Variants in ERBB4 observed in about 807,000 individuals in gnomAD.
ERBB4 encodes the protein erb-b2 receptor tyrosine kinase 4, also known as receptor tyrosine-protein kinase erbB-4.
In ERBB4, 42 loss-of-function variants were observed where a neutral mutation model predicts 158.0. That is an observed-to-expected ratio of 0.27 (90% CI 0.21 to 0.34). The LOEUF is 0.34. Ranked by LOEUF, ERBB4 falls within the 10% of genes least tolerant of loss-of-function variation. The pLI is 1.00. For missense variants in ERBB4, 1,333 were observed against 1,624.1 expected, an observed-to-expected ratio of 0.82 and a Z score of 3.08; for synonymous variants, 583 against 558.7, an observed-to-expected ratio of 1.04 and a Z score of -0.61.
In ERBB4 at chr2:211,831,713, C is replaced by T. The variant is rs191546205; in HGVS notation, c.422-43554G>A. Among the ~76,000 whole-genome samples the T allele has an allele frequency of 3.3e-5, 5 of 152,048 alleles. No homozygotes were observed. In the East Asian group the frequency reaches 7.7e-4, roughly 24 times the overall value. ...GGTCAGGAGTTCAAGACCAGCCTGG[C>T]CAACATGGTGAAACCCCATATCTAC... On this transcript the variant is annotated intron_variant, in intron 3 of 27. Transcript: ENST00000342788.
chr2:212,126,931 T>C (rs1291532529), intron 1 of ERBB4, among the ~76,000 whole-genome samples: 3 of 151,778 alleles, frequency 2.0e-5, no homozygotes, highest in Non-Finnish European at 2.9e-5. Context: ...TCCAAAAATC[T>C]TGAAAAATAG....
chr2:212,452,744 T>A (rs1688064477), intron 1 of ERBB4, among the ~76,000 whole-genome samples: 1 of 152,102 alleles, frequency 6.6e-6, no homozygotes, highest in Non-Finnish European at 1.5e-5. Flanking sequence ...TGACTCTAAG[T>A]TTAAAATTCA....
chr2:211,952,833 T>C (rs568958017), intron 2 of ERBB4, among the ~76,000 whole-genome samples: 4 of 152,032 alleles, frequency 2.6e-5, no homozygotes, highest in African/African-American at 9.6e-5. Flanking sequence ...ATATTATCTC[T>C]GATAATAGCC....
rs112792994 is a variant in ERBB4, at chr2:211,908,043, G to GA, written c.421+39386dup. ...TAAGAGTACCTTTATTGGAGCACTG[G>GA]AAAAAAAAACATATTTAGGTATCTC... is the stretch of plus-strand genomic sequence containing the variant. On this transcript the variant is annotated intron_variant, in intron 3 of 27. Transcript: ENST00000342788. Among the ~76,000 whole-genome samples, 313 of 149,774 alleles carry GA rather than the reference G, an allele frequency of 2.1e-3. 2 individuals carry two copies. Among genetic ancestry groups the GA allele is most frequent in the African/African-American group, 6.4e-3 (261 of 41,006 alleles).
intron 1 of ERBB4, among the ~76,000 whole-genome samples, chr2:212,179,790 A>G (rs2081797938): frequency 6.6e-6 from 1 of 151,636 alleles, no homozygotes; most frequent in African/African-American, 2.4e-5. Context: ...AACACACTTT[A>G]TGATGAAATA....
At chr2:212,059,905 C>G (rs563298316) in intron 2 of ERBB4, among the ~76,000 whole-genome samples, 2 of 152,256 alleles carry the variant, frequency 1.3e-5, no homozygotes, top group East Asian at 3.9e-4. Flanking sequence ...GTCTAAAACA[C>G]CAAAAGCAAT....
At chr2:212,464,066 C>A (rs1688708887) in intron 1 of ERBB4, among the ~76,000 whole-genome samples, 1 of 152,074 alleles carries the variant, frequency 6.6e-6, no homozygotes, top group Non-Finnish European at 1.5e-5. Context: ...AGTGATGTGA[C>A]AAGGATTAGT....
intron 2 of ERBB4, among the ~76,000 whole-genome samples, chr2:212,111,963 T>G (rs1398177674): frequency 6.6e-6 from 1 of 152,174 alleles, no homozygotes; most frequent in Non-Finnish European, 1.5e-5. Flanking sequence ...CATAGTGCCA[T>G]GAATTTCAAA....
rs907314773 is a variant in ERBB4, at chr2:211,493,519, C to A, written c.2488-62419G>T. Among the ~76,000 whole-genome samples the A allele has an allele frequency of 2.0e-5, 3 of 151,720 alleles. No individual in the cohort carries two copies. The South Asian group carries it at 6.3e-4, about 32-fold the overall frequency. ...TACAAAGCAAAAGTTATTTGGGATTCTGAGAAACTAAGACACAATGAATAA... is the reference window on the plus strand; with the variant it reads ...TACAAAGCAAAAGTTATTTGGGATTATGAGAAACTAAGACACAATGAATAA... On this transcript the variant is annotated intron_variant, in intron 20 of 27. Transcript: ENST00000342788.
chr2:211,742,271 AAATAC>A (rs1399976701), intron 5 of ERBB4, among the ~76,000 whole-genome samples: 3 of 152,222 alleles, frequency 2.0e-5, no homozygotes, highest in Admixed American at 6.5e-5. Flanking sequence ...CAAAGAATGT[AAATAC>A]AATTACACTT....
At chr2:211,445,106 G>A (rs1259028183) in intron 20 of ERBB4, among the ~76,000 whole-genome samples, 5 of 152,000 alleles carry the variant, frequency 3.3e-5, no homozygotes, top group East Asian at 1.9e-4. Context: ...GGCTAAAAGC[G>A]CCAAAATTAA....
intron 1 of ERBB4, among the ~76,000 whole-genome samples, chr2:212,197,670 T>C (rs1408555828): frequency 1.3e-5 from 2 of 152,166 alleles, no homozygotes; most frequent in Non-Finnish European, 2.9e-5. Flanking sequence ...CCAGATTTTG[T>C]ATTGCCTTTT....
intron 20 of ERBB4, among the ~76,000 whole-genome samples, chr2:211,506,039 C>T (rs1443547908): frequency 6.6e-6 from 1 of 151,112 alleles, no homozygotes; most frequent in African/African-American, 2.4e-5. Flanking sequence ...TATAAGAGAA[C>T]CGTCTAATGG....
chr2:211,480,461 C>T (rs1413869291), intron 20 of ERBB4, among the ~76,000 whole-genome samples: 9 of 152,136 alleles, frequency 5.9e-5, no homozygotes, highest in Non-Finnish European at 1.2e-4. Context: ...TCCCCCTTTG[C>T]TCCCTCCCCT....
chr2:212,488,690 T>C (rs1261538492), intron 1 of ERBB4, among the ~76,000 whole-genome samples: 1 of 151,718 alleles, frequency 6.6e-6, no homozygotes, highest in Non-Finnish European at 1.5e-5. Flanking sequence ...CCAACAAGAA[T>C]CAAAGGAGGC....
intron 3 of ERBB4, among the ~76,000 whole-genome samples, chr2:211,867,130 A>C (rs923379261): frequency 6.6e-6 from 1 of 151,694 alleles, no homozygotes; most frequent in Non-Finnish European, 1.5e-5. Flanking sequence ...TGAAATGTAT[A>C]AAATGGCAAC....
chr2:212,041,827 C>T (rs1050166900), intron 2 of ERBB4, among the ~76,000 whole-genome samples: 8 of 151,956 alleles, frequency 5.3e-5, no homozygotes, highest in Admixed American at 3.9e-4. Context: ...GTTAATTACC[C>T]GATGAAGCAT....
At chr2:212,521,968 T>A (rs1692194677) in intron 1 of ERBB4, among the ~76,000 whole-genome samples, 1 of 151,952 alleles carries the variant, frequency 6.6e-6, no homozygotes, top group Non-Finnish European at 1.5e-5. Flanking sequence ...TTTCCATATT[T>A]GATATATTCA....
intron 20 of ERBB4, among the ~76,000 whole-genome samples, chr2:211,497,179 T>C (rs770326876): frequency 2.6e-5 from 4 of 152,132 alleles, no homozygotes; most frequent in Non-Finnish European, 5.9e-5. Context: ...ATTAAATATA[T>C]GTTTTGACCA....
Sources: allele counts gnomAD v4.1 joint callset (sites outside exome capture counted in the v4.1 genomes callset), GRCh38; gene constraint gnomAD v4.1.1; transcripts MANE v1.5; gene names NCBI Gene and HGNC (gene_info 2026-07-23, HGNC 2026-07-21).